Variants in JAKMIP3 observed in about 807,000 individuals in gnomAD.
JAKMIP3 encodes Janus kinase and microtubule interacting protein 3.
JAKMIP3 carries 58 observed loss-of-function variants against 118.5 expected under a neutral mutation model. The observed-to-expected ratio is 0.49, with a 90% CI of 0.40 to 0.61. The LOEUF (loss-of-function observed/expected upper bound fraction) is 0.61, where lower values mean the gene tolerates loss of function less well. JAKMIP3 is among the 20% of genes least tolerant of loss of function. The pLI is 0.00. For missense variants in JAKMIP3, 950 were observed against 1,109.0 expected, an observed-to-expected ratio of 0.86 and a Z score of 2.04; for synonymous variants, 486 against 451.2, an observed-to-expected ratio of 1.08 and a Z score of -0.98.
At position 132,177,253 on chromosome 10, in the gene JAKMIP3, G is replaced by A. The variant is rs151064645; in HGVS notation, c.*1104-5104G>A. On this transcript the variant is annotated intron_variant, in intron 23 of 23. Transcript: ENST00000684848. ...AGGGGATGTCATTATTAGAGAAGCC[G>A]ATTTCAGAAAGGGTAGCTGGGCATC... 4.3e-4 allele frequency among the ~76,000 whole-genome samples: 66 copies of A among 152,376 alleles called. No individual in the cohort carries two copies. In the East Asian group the frequency reaches 6.9e-3, roughly 16 times the overall value.
Position 132,126,479 on chromosome 10 carries a change from T to C in JAKMIP3, c.634-6833T>C, listed in dbSNP as rs55866545. On this transcript the variant is annotated intron_variant, in intron 3 of 23. Coordinates refer to ENST00000684848, the MANE Select transcript of JAKMIP3 (RefSeq NM_001323087.2). ...TGCCGTACCTGGCTAAGTTTTAAAT[T>C]TGTTGTAGAGACAGGGTCTCGCTTT... Among the ~76,000 whole-genome samples the C allele has an allele frequency of 4.5e-3, 688 of 152,102 alleles. 1 individual carries two copies. Among genetic ancestry groups the C allele is most frequent in the African/African-American group, 0.016 (648 of 41,478 alleles).
intron 4 of JAKMIP3, among the ~76,000 whole-genome samples, chr10:132,133,990 C>T (rs1181064175): frequency 6.6e-6 from 1 of 152,250 alleles, no homozygotes; most frequent in African/African-American, 2.4e-5. Flanking sequence ...TTCCGGCACT[C>T]TCATCACCAG....
intron 3 of JAKMIP3, among the ~76,000 whole-genome samples, chr10:132,122,877 G>T (rs1037437742): frequency 4.6e-5 from 7 of 152,210 alleles, no homozygotes; most frequent in African/African-American, 1.4e-4. Flanking sequence ...TAGAGCTGCT[G>T]CTTTGCCCTG....
At chr10:132,062,138 T>C (rs2038416727), upstream of JAKMIP3, among the ~76,000 whole-genome samples, 1 of 151,652 alleles carries the variant, frequency 6.6e-6, no homozygotes, top group Admixed American at 6.6e-5. Context: ...AGAGCCCAGA[T>C]GAAGAAACCT....
intron 23 of JAKMIP3, among the ~76,000 whole-genome samples, chr10:132,176,090 T>C (rs951542156): frequency 2.0e-5 from 3 of 151,514 alleles, no homozygotes; most frequent in Admixed American, 1.3e-4. Flanking sequence ...GGGGGCGGAG[T>C]CTTCAAGGTG....
intron 1 of JAKMIP3, among the ~76,000 whole-genome samples, chr10:132,101,310 C>T (rs979994083): frequency 1.3e-5 from 2 of 152,112 alleles, no homozygotes; most frequent in African/African-American, 4.8e-5. Flanking sequence ...GTGATTGCCC[C>T]GCTGCTCTCC....
Position 132,049,197 on chromosome 10 carries a change from G to A in JAKMIP3, c.-138+12459G>A, listed in dbSNP as rs1019284356. Among the ~76,000 whole-genome samples, 1 of 151,850 alleles carries A rather than the reference G, an allele frequency of 6.6e-6. No individual in the cohort carries two copies. Among genetic ancestry groups the A allele is most frequent in the Admixed American group, 6.6e-5 (1 of 15,254 alleles). ...CTGGGTTGATTTTCTAGCGGCTGGC[G>A]AGCTCTTTGCACCGTGGATTCGGGT... On this transcript the variant is annotated intron_variant, in intron 1 of 23. Transcript: ENST00000657785. This position sits in a 1 kb window ranked among gnomAD's most constrained non-coding sequence, Gnocchi z 4.3.
At chr10:132,068,152 T>C (rs1291791035) in intron 1 of JAKMIP3, among the ~76,000 whole-genome samples, 1 of 149,256 alleles carries the variant, frequency 6.7e-6, no homozygotes, top group African/African-American at 2.5e-5. Context: ...TGGGTTTCTG[T>C]GTGGACTGTG....
chr10:132,102,555 A>ACGTGCCCAGCCTCTTCCCAGTTCAC lies in JAKMIP3; in HGVS notation c.-137-2115_-137-2091dup, dbSNP rs1589815188. ...GAGGCCGGCGGCCCTGCAGGGTGAG[A>ACGTGCCCAGCCTCTTCCCAGTTCAC]CGTGCCCAGCCTCTTCCCAGTTCAC... On this transcript the variant is annotated intron_variant, in intron 1 of 23. Transcript: ENST00000684848. Among the ~76,000 whole-genome samples, 4 of 152,218 alleles carry ACGTGCCCAGCCTCTTCCCAGTTCAC rather than the reference A, an allele frequency of 2.6e-5. No individual in the cohort carries two copies. In the East Asian group the frequency reaches 7.8e-4, roughly 30 times the overall value.
At chr10:132,056,978 G>A (rs974074628) in intron 1 of JAKMIP3, among the ~76,000 whole-genome samples, 26 of 152,034 alleles carry the variant, frequency 1.7e-4, no homozygotes, top group Admixed American at 7.2e-4. Context: ...TTCTACCCTG[G>A]GTTCTAGATC....
intron 2 of JAKMIP3, among the ~76,000 whole-genome samples, chr10:132,107,606 C>T (rs374280346): frequency 5.5e-4 from 84 of 152,342 alleles, no homozygotes; most frequent in African/African-American, 1.9e-3. Flanking sequence ...CCTGCATAAG[C>T]GATCTGAGCC....
At chr10:132,134,969 C>G in intron 4 of JAKMIP3, 72 bp from the exon 5 acceptor site, 1 of 1,569,342 alleles carries the variant, frequency 6.4e-7, no homozygotes, top group Non-Finnish European at 8.7e-7. Flanking sequence ...GTTCCCGTAG[C>G]GTGCTGGGAT....
chr10:132,167,175 C>T (rs1001785530), intron 22 of JAKMIP3, 120 bp downstream of exon 22: 23 of 712,818 alleles, frequency 3.2e-5, no homozygotes, highest in South Asian at 1.6e-4. Flanking sequence ...AGGCGATGAC[C>T]CAGCATCCCC....
intron 23 of JAKMIP3, among the ~76,000 whole-genome samples, chr10:132,175,473 A>G (rs2060055253): frequency 1.3e-5 from 2 of 152,156 alleles, no homozygotes; most frequent in Non-Finnish European, 2.9e-5. Flanking sequence ...ATGGGAAAGC[A>G]GGGATGCTGG....
chr10:132,094,661 A>G (rs567533694), intron 1 of JAKMIP3, among the ~76,000 whole-genome samples: 47 of 152,090 alleles, frequency 3.1e-4, no homozygotes, highest in Admixed American at 7.2e-4. Context: ...CAGGGGGTGC[A>G]ATGCACTTAG....
At chr10:132,139,054 G>A (rs61864411) in intron 9 of JAKMIP3, among the ~76,000 whole-genome samples, 2 of 150,200 alleles carry the variant, frequency 1.3e-5, no homozygotes, top group East Asian at 4.0e-4. Context: ...TGTTGAGTGT[G>A]TGTGTGTGTG....
intron 19 of JAKMIP3, among the ~76,000 whole-genome samples, chr10:132,159,877 T>TGTGATGCTGGGGGGC (rs199983808): frequency 1.2e-4 from 2 of 16,812 alleles, no homozygotes; most frequent in Non-Finnish European, 2.1e-4. Flanking sequence ...GCTGGGGGGG[T>TGTGATGCTGGGGGGC]CTCTTCCTGT....
At chr10:132,131,498 C>T (rs1322941076) in intron 3 of JAKMIP3, among the ~76,000 whole-genome samples, 1 of 151,616 alleles carries the variant, frequency 6.6e-6, no homozygotes, top group Non-Finnish European at 1.5e-5. Context: ...CTCTGGGGCA[C>T]CCGGGGGCTC....
intron 1 of JAKMIP3, among the ~76,000 whole-genome samples, chr10:132,068,539 G>A (rs539776394): frequency 6.6e-6 from 1 of 152,146 alleles, no homozygotes; most frequent in Non-Finnish European, 1.5e-5. Context: ...TCTCAATATA[G>A]CCCTGTTGGT....
Sources: gnomAD v4.1 joint callset for allele counts (sites outside exome capture counted in the v4.1 genomes callset) on GRCh38, gnomAD v4.1.1 for gene constraint, Gnocchi (gnomAD v3.1) non-coding constraint, MANE v1.5 for transcripts, NCBI Gene and HGNC (gene_info 2026-07-23, HGNC 2026-07-21) for gene names.